HIVEP1: variants seen among roughly 807,000 people sequenced by gnomAD.
The protein encoded by HIVEP1 is zinc finger protein 40.
HIVEP1 carries 36 observed loss-of-function variants against 180.0 expected under a neutral mutation model. The observed-to-expected ratio is 0.20, with a 90% CI of 0.15 to 0.26. HIVEP1 has a LOEUF of 0.26. Ranked by LOEUF, HIVEP1 falls within the 10% of genes least tolerant of loss-of-function variation. The pLI, the probability that HIVEP1 is intolerant of heterozygous loss-of-function variation, is 1.00. For synonymous variants in HIVEP1, 1,239 were observed against 1,239.0 expected (o/e 1.00, Z 0.00); for missense variants, 3,143 against 3,268.7 (o/e 0.96, Z 0.94).
Position 12,124,576 on chromosome 6 carries a change from A to G in HIVEP1, c.4781A>G (p.His1594Arg). ...QVISDPVGTD[H>R]CVTSATLPTK... The stretch of plus-strand genomic sequence containing the variant: ...ATTTCAGATCCAGTTGGAACAGATC[A>G]TTGTGTGACATCAGCAACATTACCA... The change falls in exon 4 of 9, where the codon CAT becomes CGT. Residue 1594 changes from histidine to arginine, a missense_variant. By Grantham distance (29) the His-to-Arg change is conservative (BLOSUM62 0). This residue lies in a region of HIVEP1 where 1,357 missense variants were observed against 1,260.5 expected (regional missense o/e 1.08). Transcript: ENST00000379388. The G allele has an allele frequency of 6.2e-7, 1 of 1,614,068 alleles. No homozygotes were observed. The highest frequency in any genetic ancestry group is 2.2e-5 in the East Asian group (1 of 44,884).
At chr6:12,089,592 T>C in intron 3 of HIVEP1, among the ~76,000 whole-genome samples, 1 of 149,150 alleles carries the variant, frequency 6.7e-6, no homozygotes, top group Admixed American at 6.8e-5. Context: ...TGCATTCATG[T>C]GATGCAGTTT....
At chr6:12,171,582 C>CTAGG in the HIVEP1 span, among the ~76,000 whole-genome samples, 1 of 152,094 alleles carries the variant, frequency 6.6e-6, no homozygotes, top group Non-Finnish European at 1.5e-5. Flanking sequence ...AAGGACACAC[C>CTAGG]TAGGGAGAGT....
Position 12,020,874 on chromosome 6 carries a change from A to ATTTC in HIVEP1, c.40+5222_40+5225dup, listed in dbSNP as rs1200791042. On this transcript the variant is annotated intron_variant, in intron 2 of 8. Transcript: ENST00000379388. ...AACTCTTTTCCTGTCTGAGAACCAG[A>ATTTC]TTTCTTTCTTTCTTTCTTTTTTTTT... is the stretch of plus-strand genomic sequence containing the variant. Among the ~76,000 whole-genome samples, 723 of 125,508 alleles carry ATTTC rather than the reference A, an allele frequency of 5.8e-3. 44 individuals are homozygous for ATTTC. The highest frequency in any genetic ancestry group is 9.3e-3 in the African/African-American group (330 of 35,436). The allele number at this position is 125,508 out of a possible 152,430, so 82.3% of individuals were successfully genotyped here.
At chr6:12,167,730 A>ACATATG (rs149208442), downstream of HIVEP1, among the ~76,000 whole-genome samples, 2 of 115,116 alleles carry the variant, frequency 1.7e-5, no homozygotes, top group African/African-American at 3.2e-5. Context: ...ATATACATAT[A>ACATATG]TACATGTGTA....
At chr6:12,202,844 A>G in the HIVEP1 span, among the ~76,000 whole-genome samples, 2 of 152,328 alleles carry the variant, frequency 1.3e-5, no homozygotes, top group South Asian at 4.1e-4. Flanking sequence ...GAAGAGTTAC[A>G]GTCACTAGAA....
At chr6:12,117,913 T>C (rs1473507480) in intron 3 of HIVEP1, among the ~76,000 whole-genome samples, 1 of 152,224 alleles carries the variant, frequency 6.6e-6, no homozygotes, top group African/African-American at 2.4e-5. Context: ...GAGCATCATT[T>C]TTCACTTTGC....
At chr6:12,136,546 T>C (rs1758714380) in intron 7 of HIVEP1, among the ~76,000 whole-genome samples, 1 of 152,226 alleles carries the variant, frequency 6.6e-6, no homozygotes, top group Non-Finnish European at 1.5e-5. Flanking sequence ...TCTGAGATTA[T>C]TCACGCACTC....
chr6:12,028,262 C>A (rs371671366), intron 2 of HIVEP1, among the ~76,000 whole-genome samples: 2 of 152,190 alleles, frequency 1.3e-5, no homozygotes, highest in African/African-American at 2.4e-5. Context: ...TTCTGTGGCC[C>A]GGCTCTGAGG....
chr6:12,029,895 CTCT>C (rs1158517713), intron 2 of HIVEP1, among the ~76,000 whole-genome samples: 6 of 152,102 alleles, frequency 3.9e-5, no homozygotes, highest in Admixed American at 2.6e-4. Flanking sequence ...TAGCACTCTC[CTCT>C]TCTTCTATGG....
intron 3 of HIVEP1, among the ~76,000 whole-genome samples, chr6:12,092,603 G>GT (rs976632275): frequency 2.6e-5 from 4 of 151,904 alleles, no homozygotes; most frequent in African/African-American, 9.7e-5. Flanking sequence ...GTTTTCCAGA[G>GT]TTTTTTTTGG....
At chr6:12,051,570 C>G (rs1481842064) in intron 2 of HIVEP1, among the ~76,000 whole-genome samples, 2 of 151,610 alleles carry the variant, frequency 1.3e-5, no homozygotes, top group Non-Finnish European at 2.9e-5. Flanking sequence ...ATAATTAGTG[C>G]ATTTTATTAT....
chr6:12,021,010 C>T (rs1395028842), intron 2 of HIVEP1, among the ~76,000 whole-genome samples: 1 of 151,244 alleles, frequency 6.6e-6, no homozygotes, highest in South Asian at 2.1e-4. Flanking sequence ...CCTGCCTCAG[C>T]CTCCCAAGTA....
intron 2 of HIVEP1, among the ~76,000 whole-genome samples, chr6:12,067,767 C>A (rs984240458): frequency 2.6e-5 from 4 of 151,924 alleles, no homozygotes; most frequent in Non-Finnish European, 5.9e-5. Flanking sequence ...TGAAAGGAAA[C>A]AACTGCTCTG....
chr6:12,081,847 C>G (rs1408317806), intron 2 of HIVEP1, among the ~76,000 whole-genome samples: 1 of 152,144 alleles, frequency 6.6e-6, no homozygotes, highest in Admixed American at 6.6e-5. Flanking sequence ...CCTCTCTCCT[C>G]TGTCCTGTCC....
chr6:12,010,688 T>C (rs937080989), upstream of HIVEP1, among the ~76,000 whole-genome samples: 4 of 152,128 alleles, frequency 2.6e-5, no homozygotes, highest in African/African-American at 9.7e-5. Flanking sequence ...CACTTTTGCT[T>C]CTTGAGGTGG....
At chr6:12,053,622 T>C (rs1770673911) in intron 2 of HIVEP1, among the ~76,000 whole-genome samples, 2 of 152,070 alleles carry the variant, frequency 1.3e-5, no homozygotes, top group Admixed American at 6.6e-5. Context: ...CAGAATTGAT[T>C]CCATGTCTTG....
chr6:12,098,335 G>T (rs1773892028), intron 3 of HIVEP1, among the ~76,000 whole-genome samples: 1 of 152,152 alleles, frequency 6.6e-6, no homozygotes, highest in Non-Finnish European at 1.5e-5. Flanking sequence ...GAAAAACAAA[G>T]AAATGAATCT....
chr6:12,158,691 G>T (rs1172368364), intron 7 of HIVEP1, among the ~76,000 whole-genome samples: 1 of 152,072 alleles, frequency 6.6e-6, no homozygotes, highest in South Asian at 2.1e-4. Context: ...GTGTAATCCT[G>T]TCCCTCCCCA....
the HIVEP1 span, among the ~76,000 whole-genome samples, chr6:12,181,289 G>A: frequency 1.3e-5 from 2 of 152,102 alleles, no homozygotes; most frequent in Admixed American, 1.3e-4. Flanking sequence ...GAAACCGGGA[G>A]GCAGAGGTTA....
Sources: gnomAD v4.1 joint callset for allele counts (sites outside exome capture counted in the v4.1 genomes callset) on GRCh38, gnomAD v4.1.1 for gene constraint, gnomAD v4.1.1 regional missense constraint, MANE v1.5 for transcripts, NCBI Gene and HGNC (gene_info 2026-07-23, HGNC 2026-07-21) for gene names.